The following ABCG2 variants were observed in gnomAD, a reference collection of about 807,000 sequenced individuals.
ABCG2 encodes the protein ATP binding cassette subfamily G member 2 (JR blood group).
Under a neutral mutation model 73.5 loss-of-function variants are expected in ABCG2, and 80 were observed. The ratio of observed to expected loss-of-function variants is 1.09; its 90% CI spans 0.91 to 1.31. The LOEUF (loss-of-function observed/expected upper bound fraction) is 1.31. Among genes scored for constraint, ABCG2 ranks in the 50% most tolerant of loss-of-function variants. The pLI, the probability that ABCG2 is intolerant of heterozygous loss-of-function variation, is 0.00. For missense variants in ABCG2, 796 were observed against 786.2 expected (o/e 1.01, Z -0.15); for synonymous variants, 269 against 282.4 (o/e 0.95, Z 0.48).
rs1381250815 is a variant in ABCG2, at chr4:88,123,137, A to C, written c.532-1345T>G. The stretch of plus-strand genomic sequence containing the variant: ...AACAGAAAGGAATAGCATCAACATC[A>C]ACAAAAAGGAAATCCACACCAAAAC... On this transcript the variant is annotated intron_variant, in intron 5 of 15. Coordinates refer to ENST00000237612, the MANE Select transcript of ABCG2 (RefSeq NM_004827.3). 2.0e-5 allele frequency among the ~76,000 whole-genome samples: 3 copies of C among 152,170 alleles called. No homozygotes were observed. The East Asian group carries it at 5.8e-4, about 29-fold the overall frequency.
intron 5 of ABCG2, among the ~76,000 whole-genome samples, chr4:88,122,332 G>A (rs6814793): frequency 6.6e-6 from 1 of 151,854 alleles, no homozygotes; most frequent in African/African-American, 2.4e-5. Flanking sequence ...CACTCCCCTG[G>A]AAAAGGGGCT....
At chr4:88,226,159 T>G (rs926637395) in intron 1 of ABCG2, among the ~76,000 whole-genome samples, 5 of 152,210 alleles carry the variant, frequency 3.3e-5, no homozygotes, top group African/African-American at 1.2e-4. Flanking sequence ...GGTTTCTGCC[T>G]CCAGCCTCAC....
intron 1 of ABCG2, among the ~76,000 whole-genome samples, chr4:88,174,772 C>T (rs187898306): frequency 6.6e-6 from 1 of 152,268 alleles, no homozygotes; most frequent in East Asian, 1.9e-4. Context: ...GTTGCAATTG[C>T]TTTTGGTGTT....
intron 1 of ABCG2, among the ~76,000 whole-genome samples, chr4:88,152,863 G>T (rs1249570375): frequency 3.3e-5 from 5 of 152,152 alleles, no homozygotes; most frequent in Admixed American, 6.5e-5. Context: ...GGGATTAGGG[G>T]CGGCGTGGGA....
chr4:88,194,492 G>GT (rs1450291821), intron 1 of ABCG2, among the ~76,000 whole-genome samples: 8 of 145,446 alleles, frequency 5.5e-5, no homozygotes, highest in African/African-American at 1.8e-4. Context: ...GGAGCTTGCA[G>GT]TGAGCCGAGA....
At chr4:88,227,186 A>G (rs1004107910) in intron 1 of ABCG2, among the ~76,000 whole-genome samples, 1 of 152,188 alleles carries the variant, frequency 6.6e-6, no homozygotes, top group Non-Finnish European at 1.5e-5. Context: ...TGAGGTCAGC[A>G]GTTCGAGACC....
Position 88,092,394 on chromosome 4 carries a change from A to G in ABCG2, c.1821-13T>C. 1 of 1,605,148 alleles carries G rather than the reference A, an allele frequency of 6.2e-7. No homozygotes were observed. Among genetic ancestry groups the G allele is most frequent in the Non-Finnish European group, 8.5e-7 (1 of 1,177,816 alleles). ...TTCGCCAGTACATCTGAAATTAAAC[A>G]GAAAAAGAATATAACTTCATTCCTA... On this transcript the variant is annotated splice_polypyrimidine_tract_variant and intron_variant, in intron 15 of 15. Coordinates refer to ENST00000237612, the MANE Select transcript of ABCG2 (RefSeq NM_004827.3).
At chr4:88,102,601 A>AT (rs1722504199) in intron 10 of ABCG2, among the ~76,000 whole-genome samples, 1 of 151,250 alleles carries the variant, frequency 6.6e-6, no homozygotes, top group Admixed American at 6.6e-5. Context: ...GTCTCAAAAA[A>AT]AAAAAAATTA....
intron 1 of ABCG2, among the ~76,000 whole-genome samples, chr4:88,213,562 A>G (rs758333905): frequency 3.3e-5 from 5 of 152,028 alleles, no homozygotes; most frequent in Admixed American, 6.6e-5. Flanking sequence ...TCCTAACTCA[A>G]TAACAGCACT....
At chr4:88,164,659 C>G (rs898806098) in intron 1 of ABCG2, among the ~76,000 whole-genome samples, 9 of 152,148 alleles carry the variant, frequency 5.9e-5, no homozygotes, top group African/African-American at 1.9e-4. Flanking sequence ...ATTACCCAGT[C>G]TCGGGTATGT....
chr4:88,158,593 C>A lies in ABCG2; in HGVS notation c.-227G>T, dbSNP rs896279945. The A allele has an allele frequency of 2.4e-5, 11 of 456,310 alleles. No homozygotes were observed. 28.3% of individuals were successfully genotyped at this position (456,310 alleles called of 1,614,324 possible). ...AAATCCTACCCAGTTCCTCCACAGG[C>A]TGCCTCCTTGCCGCGTCTCTCAATC... is the stretch of plus-strand genomic sequence containing the variant. On this transcript the variant is annotated 5_prime_UTR_variant, in exon 1 of 16. Transcript: ENST00000237612.
intron 9 of ABCG2, among the ~76,000 whole-genome samples, chr4:88,109,908 C>G (rs1213448191): frequency 6.6e-6 from 1 of 152,138 alleles, no homozygotes; most frequent in Non-Finnish European, 1.5e-5. Context: ...GGCCAGCCAC[C>G]TATCTTTGTT....
chr4:88,167,587 C>G (rs1247394043), intron 1 of ABCG2, among the ~76,000 whole-genome samples: 1 of 152,020 alleles, frequency 6.6e-6, no homozygotes, highest in Non-Finnish European at 1.5e-5. Flanking sequence ...ATTGGCCAGG[C>G]TGGTTTCGAA....
At chr4:88,202,123 G>T (rs755175578) in intron 1 of ABCG2, among the ~76,000 whole-genome samples, 5 of 151,572 alleles carry the variant, frequency 3.3e-5, no homozygotes, top group Non-Finnish European at 7.4e-5. Context: ...ACCTCAAAGG[G>T]CCTTATCAAT....
intron 1 of ABCG2, among the ~76,000 whole-genome samples, chr4:88,148,744 C>A (rs1726229764): frequency 6.6e-6 from 1 of 152,142 alleles, no homozygotes; most frequent in Non-Finnish European, 1.5e-5. Flanking sequence ...AACCCGTCAA[C>A]AGGAAACAGT....
upstream of ABCG2, among the ~76,000 whole-genome samples, chr4:88,160,983 C>T (rs1727275599): frequency 1.3e-5 from 2 of 151,332 alleles, no homozygotes; most frequent in African/African-American, 4.9e-5. Context: ...CAAGACCAGC[C>T]TGGGCAACAT....
At position 88,113,329 on chromosome 4, in the gene ABCG2, C is replaced by T; in HGVS notation, c.1168G>A (p.Gly390Ser). ...TGAGCTATAGAGGCCTGGGGATTAC[C>T]CAGCAAGTTTTTGAATGAACGCTTG... Reference protein sequence around the residue: ...VSKRSFKNLLGNPQASIAQII... With the variant: ...VSKRSFKNLLSNPQASIAQII... The change falls in exon 9 of 16, where the codon GGT (glycine) becomes AGT (serine). Residue 390 changes from glycine to serine, a missense_variant. Transcript: ENST00000237612. The T allele has an allele frequency of 6.2e-7, 1 of 1,614,048 alleles. No homozygotes were observed. Among genetic ancestry groups the T allele is most frequent in the Non-Finnish European group, 8.5e-7 (1 of 1,180,004 alleles).
chr4:88,123,604 C>A (rs1334193828), intron 5 of ABCG2, among the ~76,000 whole-genome samples: 1 of 151,562 alleles, frequency 6.6e-6, no homozygotes, highest in Non-Finnish European at 1.5e-5. Context: ...AGCGTGAAGA[C>A]AAGATTAGAG....
At chr4:88,177,686 T>C (rs900377048) in intron 1 of ABCG2, among the ~76,000 whole-genome samples, 5 of 152,086 alleles carry the variant, frequency 3.3e-5, no homozygotes, top group African/African-American at 1.2e-4. Flanking sequence ...GGAAAGACAG[T>C]CTTGAATTGC....
Sources: gnomAD v4.1 joint callset for allele counts (sites outside exome capture counted in the v4.1 genomes callset) on GRCh38, gnomAD v4.1.1 for gene constraint, MANE v1.5 for transcripts, NCBI Gene and HGNC (gene_info 2026-07-23, HGNC 2026-07-21) for gene names.